Variants in CDK14 observed in about 807,000 individuals in gnomAD.
CDK14 encodes cyclin dependent kinase 14.
A neutral mutation model predicts 60.7 loss-of-function variants in CDK14; 34 were observed. The observed-to-expected ratio is 0.56, with a 90% CI of 0.43 to 0.75. The LOEUF (loss-of-function observed/expected upper bound fraction) is 0.75. Among genes scored for constraint, CDK14 ranks in the 30% least tolerant of loss-of-function variants. CDK14 has a pLI of 0.00. For synonymous variants in CDK14, 197 were observed against 203.7 expected (o/e 0.97, Z 0.28); for missense variants, 482 against 564.1 (o/e 0.85, Z 1.47).
In CDK14 at chr7:91,207,523, G is replaced by C. The variant is rs1182777930; in HGVS notation, c.*387G>C. 1 of 152,630 alleles carries C rather than the reference G, an allele frequency of 6.6e-6. No homozygotes were observed. The highest frequency in any genetic ancestry group is 6.5e-5 in the Admixed American group (1 of 15,278). 9.5% of individuals were successfully genotyped at this position (152,630 alleles called of 1,614,324 possible). A position where few individuals can be genotyped will look rare whatever the true frequency, so the allele number is the denominator to read the frequency against. On this transcript the variant is annotated 3_prime_UTR_variant, in exon 15 of 15. Transcript: ENST00000380050. ...TTAAATACATTAAGACAACACATTT[G>C]GTGTTCACACTTCTTCAGTAATGTC...
chr7:90,696,935 T>TG (rs1200422527), intron 2 of CDK14, among the ~76,000 whole-genome samples: 3 of 151,796 alleles, frequency 2.0e-5, no homozygotes, highest in African/African-American at 7.3e-5. Context: ...AAGGAGGAGG[T>TG]GATCAATTGT....
chr7:90,661,875 G>A (rs527684922), intron 2 of CDK14, among the ~76,000 whole-genome samples: 1 of 94,048 alleles, frequency 1.1e-5, no homozygotes, highest in Admixed American at 1.1e-4. Context: ...TACCCATGTA[G>A]CAAGGGTCTC....
At chr7:90,815,119 T>C (rs1396024942) in intron 5 of CDK14, among the ~76,000 whole-genome samples, 1 of 152,242 alleles carries the variant, frequency 6.6e-6, no homozygotes, top group African/African-American at 2.4e-5. Context: ...TATGATACAG[T>C]CAATTGTGTT....
intron 3 of CDK14, among the ~76,000 whole-genome samples, chr7:90,729,352 T>TTTG (rs1239496939): frequency 8.2e-6 from 1 of 122,468 alleles, no homozygotes; most frequent in African/African-American, 3.3e-5. Flanking sequence ...AGGTTTTTTT[T>TTTG]TTTTTTTTTT....
intron 11 of CDK14, among the ~76,000 whole-genome samples, chr7:91,060,876 T>C (rs1168873218): frequency 1.3e-5 from 2 of 152,206 alleles, no homozygotes; most frequent in African/African-American, 4.8e-5. Flanking sequence ...CAATTATGTG[T>C]CTTGGAGTTG....
intron 2 of CDK14, among the ~76,000 whole-genome samples, chr7:90,712,228 A>G (rs1445336478): frequency 6.6e-6 from 1 of 151,918 alleles, no homozygotes; most frequent in Non-Finnish European, 1.5e-5. Flanking sequence ...AACCATCACC[A>G]CTATCCATTT....
At chr7:91,006,966 G>C (rs562455661) in intron 10 of CDK14, among the ~76,000 whole-genome samples, 1 of 152,188 alleles carries the variant, frequency 6.6e-6, no homozygotes, top group East Asian at 1.9e-4. Context: ...TTTTGTTTTT[G>C]TTTTTACTGT....
chr7:91,061,916 C>G (rs1797806054), intron 11 of CDK14, among the ~76,000 whole-genome samples: 1 of 152,210 alleles, frequency 6.6e-6, no homozygotes, highest in Non-Finnish European at 1.5e-5. Flanking sequence ...AACCACTACT[C>G]TCTTCAAAGC....
At chr7:90,658,190 G>A (rs1075013) in intron 2 of CDK14, among the ~76,000 whole-genome samples, 92,000 of 152,028 alleles carry the variant, frequency 0.61, 28,182 homozygotes, top group East Asian at 0.77. Context: ...ATGGAATCAC[G>A]CACCATCTTA....
chr7:90,991,673 C>T (rs1455442352), intron 10 of CDK14, among the ~76,000 whole-genome samples: 2 of 152,058 alleles, frequency 1.3e-5, no homozygotes, highest in Non-Finnish European at 2.9e-5. Context: ...GCTTTTAGCC[C>T]AGAGGAAAAG....
At chr7:90,969,170 C>A (rs959553044) in intron 9 of CDK14, among the ~76,000 whole-genome samples, 6 of 152,178 alleles carry the variant, frequency 3.9e-5, no homozygotes, top group African/African-American at 1.4e-4. Flanking sequence ...TTAGGTCTTG[C>A]ATCTATTATC....
At chr7:90,926,546 T>A (rs1793421220) in intron 8 of CDK14, among the ~76,000 whole-genome samples, 1 of 152,164 alleles carries the variant, frequency 6.6e-6, no homozygotes, top group Admixed American at 6.5e-5. Flanking sequence ...GCTCAAAAAA[T>A]GCCCTGATGC....
chr7:90,788,616 A>G (rs1463509298), intron 4 of CDK14, among the ~76,000 whole-genome samples: 1 of 152,146 alleles, frequency 6.6e-6, no homozygotes, highest in African/African-American at 2.4e-5. Flanking sequence ...ACCAATAATA[A>G]TGTATTTCCG....
intron 3 of CDK14, among the ~76,000 whole-genome samples, chr7:90,747,437 A>G (rs1344560984): frequency 6.6e-6 from 1 of 152,232 alleles, no homozygotes; most frequent in African/African-American, 2.4e-5. Flanking sequence ...ACAGCTATCA[A>G]AATATTAACA....
At chr7:90,991,676 A>G (rs1288927990) in intron 10 of CDK14, among the ~76,000 whole-genome samples, 1 of 152,188 alleles carries the variant, frequency 6.6e-6, no homozygotes, top group African/African-American at 2.4e-5. Flanking sequence ...TTTAGCCCAG[A>G]GGAAAAGAAA....
At chr7:91,076,884 A>G (rs1798333793) in intron 11 of CDK14, among the ~76,000 whole-genome samples, 2 of 152,242 alleles carry the variant, frequency 1.3e-5, no homozygotes, top group Admixed American at 1.3e-4. Context: ...ACAGCCAACA[A>G]ACATATGAAA....
At chr7:91,200,017 T>C (rs1330184802) in intron 14 of CDK14, among the ~76,000 whole-genome samples, 3 of 152,170 alleles carry the variant, frequency 2.0e-5, no homozygotes, top group Non-Finnish European at 4.4e-5. Context: ...TTCATACCAT[T>C]TCCTCCAACT....
chr7:90,992,290 A>C (rs1462158887), intron 10 of CDK14, among the ~76,000 whole-genome samples: 7 of 152,166 alleles, frequency 4.6e-5, no homozygotes, highest in Non-Finnish European at 8.8e-5. Context: ...TAGTGAAAAA[A>C]CTTTTTTTAC....
intron 8 of CDK14, among the ~76,000 whole-genome samples, chr7:90,943,638 C>T (rs927542682): frequency 3.3e-5 from 5 of 152,002 alleles, no homozygotes; most frequent in Admixed American, 6.6e-5. Context: ...TTACAATATT[C>T]GTGTGCATCA....
Sources: gnomAD v4.1 joint callset for allele counts (sites outside exome capture counted in the v4.1 genomes callset) on GRCh38, gnomAD v4.1.1 for gene constraint, MANE v1.5 for transcripts, NCBI Gene and HGNC (gene_info 2026-07-23, HGNC 2026-07-21) for gene names.